Variants in HYCC1 observed in about 807,000 individuals in gnomAD.
The protein encoded by HYCC1 is hyccin PI4KA lipid kinase complex subunit 1, also known as hyccin.
the HYCC1 span, among the ~76,000 whole-genome samples, chr7:22,897,404 T>C: frequency 6.6e-6 from 1 of 152,106 alleles, no homozygotes; most frequent in Admixed American, 6.5e-5. Context: ...AAGAGTGGAC[T>C]CCAGAAGAGT....
At chr7:22,984,282 T>C in the HYCC1 span, among the ~76,000 whole-genome samples, 1 of 152,166 alleles carries the variant, frequency 6.6e-6, no homozygotes, top group Non-Finnish European at 1.5e-5. Flanking sequence ...TAAACATGTT[T>C]ACCTTAAATT....
chr7:22,900,079 C>T, the HYCC1 span, among the ~76,000 whole-genome samples: 2 of 152,246 alleles, frequency 1.3e-5, no homozygotes, highest in East Asian at 3.9e-4. Flanking sequence ...CCAAAGGGCA[C>T]TCCTAGCCTA....
At chr7:22,986,071 TA>T in the HYCC1 span, among the ~76,000 whole-genome samples, 1 of 151,782 alleles carries the variant, frequency 6.6e-6, no homozygotes, top group South Asian at 2.1e-4. Flanking sequence ...GATCATTCAT[TA>T]AAAACATGAA....
At chr7:23,002,164 A>ATATATACACAAT in the HYCC1 span, among the ~76,000 whole-genome samples, 155 of 26,156 alleles carry the variant, frequency 5.9e-3, no homozygotes, top group Middle Eastern at 0.031. Context: ...ATATATATAT[A>ATATATACACAAT]TATATATATA....
At chr7:22,931,255 G>GAAAAAAAAAAAAAAAAA in the HYCC1 span, among the ~76,000 whole-genome samples, 2 of 103,806 alleles carry the variant, frequency 1.9e-5, no homozygotes, top group Non-Finnish European at 4.0e-5. Flanking sequence ...CAAAAAAAAA[G>GAAAAAAAAAAAAAAAAA]AAAAAAAAAA....
At chr7:22,938,822 T>C in the HYCC1 span, 8 of 131,672 alleles carry the variant, frequency 6.1e-5, no homozygotes, top group Non-Finnish European at 1.2e-4. Flanking sequence ...GAAATACAGG[T>C]TTCCATGCTT....
At chr7:22,910,115 A>C in the HYCC1 span, among the ~76,000 whole-genome samples, 1 of 152,250 alleles carries the variant, frequency 6.6e-6, no homozygotes, top group African/African-American at 2.4e-5. Context: ...AGGCATGCCA[A>C]GTACTGTCTG....
chr7:22,896,800 T>C, the HYCC1 span, among the ~76,000 whole-genome samples: 3 of 152,164 alleles, frequency 2.0e-5, no homozygotes, highest in Non-Finnish European at 4.4e-5. Flanking sequence ...TTATTAGCTC[T>C]GAACATTGGA....
the HYCC1 span, chr7:22,978,549 C>A: frequency 5.0e-6 from 5 of 995,858 alleles, no homozygotes; most frequent in African/African-American, 8.1e-5. Context: ...AAAATCATAT[C>A]TTTTTAAGTT....
At chr7:22,967,289 G>GGAAT in the HYCC1 span, among the ~76,000 whole-genome samples, 2 of 152,120 alleles carry the variant, frequency 1.3e-5, no homozygotes, top group Non-Finnish European at 2.9e-5. Context: ...GAGTCAGAGA[G>GGAAT]GAATTCTCAG....
the HYCC1 span, among the ~76,000 whole-genome samples, chr7:22,958,222 G>A: frequency 3.3e-5 from 5 of 151,966 alleles, no homozygotes; most frequent in Non-Finnish European, 7.4e-5. Flanking sequence ...TAACTTTACT[G>A]CTCTAGAAGG....
the HYCC1 span, among the ~76,000 whole-genome samples, chr7:22,920,135 C>T: frequency 2.6e-5 from 4 of 152,058 alleles, no homozygotes; most frequent in Non-Finnish European, 5.9e-5. Context: ...TGACAGTAGC[C>T]TTGACAACAT....
At chr7:22,944,836 C>T in the HYCC1 span, 1 of 152,526 alleles carries the variant, frequency 6.6e-6, no homozygotes, top group African/African-American at 2.4e-5. Context: ...CATGCTAAAT[C>T]CAGATAAAAC....
At chr7:22,907,975 A>G in the HYCC1 span, among the ~76,000 whole-genome samples, 1 of 152,068 alleles carries the variant, frequency 6.6e-6, no homozygotes, top group Non-Finnish European at 1.5e-5. Context: ...CCACTCTCCC[A>G]TTTGCTGACC....
At chr7:22,999,643 A>G in the HYCC1 span, among the ~76,000 whole-genome samples, 7 of 152,200 alleles carry the variant, frequency 4.6e-5, no homozygotes, top group African/African-American at 1.4e-4. Flanking sequence ...AAGTAGCAAA[A>G]ACAAACATAG....
At chr7:22,941,743 T>C in the HYCC1 span, 5 of 152,154 alleles carry the variant, frequency 3.3e-5, no homozygotes, top group African/African-American at 7.2e-5. Flanking sequence ...ATGAAGAATT[T>C]AACAATATTA....
At chr7:23,009,939 G>A in the HYCC1 span, among the ~76,000 whole-genome samples, 4 of 152,154 alleles carry the variant, frequency 2.6e-5, no homozygotes, top group African/African-American at 4.8e-5. Context: ...GACTCTGGCA[G>A]GACTTGGCTC....
chr7:22,959,805 C>T, the HYCC1 span, among the ~76,000 whole-genome samples: 4 of 152,032 alleles, frequency 2.6e-5, no homozygotes, highest in Non-Finnish European at 5.9e-5. Flanking sequence ...ACTAGTGTTG[C>T]GTCAACACTA....
the HYCC1 span, among the ~76,000 whole-genome samples, chr7:23,005,949 C>G: frequency 6.6e-6 from 1 of 152,224 alleles, no homozygotes; most frequent in Non-Finnish European, 1.5e-5. Flanking sequence ...TTTTCCAAAA[C>G]AGTCTCTCCC....
Sources: gnomAD v4.1 joint callset for allele counts (sites outside exome capture counted in the v4.1 genomes callset) on GRCh38, gnomAD v4.1.1 for gene constraint, MANE v1.5 for transcripts, NCBI Gene and HGNC (gene_info 2026-07-23, HGNC 2026-07-21) for gene names.